ZBTB2: variants seen among roughly 807,000 people sequenced by gnomAD.
ZBTB2 encodes zinc finger and BTB domain containing 2.
ZBTB2 carries 2 observed loss-of-function variants against 39.5 expected under a neutral mutation model. The ratio of observed to expected loss-of-function variants is 0.05; its 90% confidence interval spans 0.02 to 0.16. The LOEUF (loss-of-function observed/expected upper bound fraction) is 0.16. Ranked by LOEUF, ZBTB2 falls within the 10% of genes least tolerant of loss-of-function variation. ZBTB2 has a pLI of 1.00. For synonymous variants in ZBTB2, 251 were observed against 256.6 expected (o/e 0.98, Z 0.21); for missense variants, 391 against 653.0 (o/e 0.60, Z 4.37).
At chr6:151,381,529 A>AAAAAAT (rs538549899) in intron 1 of ZBTB2, among the ~76,000 whole-genome samples, 7 of 151,998 alleles carry the variant, frequency 4.6e-5, no homozygotes, top group East Asian at 1.9e-4. Flanking sequence ...TAAAAAAAAT[A>AAAAAAT]AAAAATAAAA....
chr6:151,382,226 G>A (rs1242082563), intron 1 of ZBTB2, among the ~76,000 whole-genome samples: 8 of 152,088 alleles, frequency 5.3e-5, no homozygotes, highest in African/African-American at 1.7e-4. Context: ...ATCTTATTAT[G>A]GGTACATGAC....
rs1778618156 is a variant in ZBTB2 at position 151,365,225 on chromosome 6, T to C, written c.*296A>G. On this transcript the variant is annotated 3_prime_UTR_variant, in exon 3 of 3. Transcript: ENST00000325144. The surrounding 1 kb of genome is among the most constrained non-coding windows in gnomAD (Gnocchi z 5.6). ...ATTGGATTCCAGTTGTTTTATTATA[T>C]ACCCTTCATTAGTTCCAAGTATGCT... is the stretch of plus-strand genomic sequence containing the variant. 3.5e-6 allele frequency: 1 copy of C among 282,200 alleles called. No homozygotes were observed. The highest frequency in any genetic ancestry group is 6.7e-6 in the Non-Finnish European group (1 of 149,142). 17.5% of individuals were successfully genotyped at this position (282,200 alleles called of 1,614,324 possible).
intron 2 of ZBTB2, among the ~76,000 whole-genome samples, chr6:151,369,425 T>A (rs1225692911): frequency 6.6e-6 from 1 of 152,116 alleles, no homozygotes; most frequent in African/African-American, 2.4e-5. Context: ...TGATCATAGC[T>A]GACTGCAGCC....
chr6:151,374,466 T>C (rs994127623), intron 1 of ZBTB2, among the ~76,000 whole-genome samples: 1 of 152,228 alleles, frequency 6.6e-6, no homozygotes, highest in Admixed American at 6.5e-5. Flanking sequence ...GGCCTGAGTC[T>C]ATTTATAATA....
At chr6:151,367,311 G>A (rs1778673018) in intron 2 of ZBTB2, among the ~76,000 whole-genome samples, 1 of 152,112 alleles carries the variant, frequency 6.6e-6, no homozygotes, top group South Asian at 2.1e-4. Flanking sequence ...AATAGAGACG[G>A]GGATTCACCA....
At chr6:151,373,193 G>GAAAA (rs1778824863) in intron 2 of ZBTB2, among the ~76,000 whole-genome samples, 1 of 106,912 alleles carries the variant, frequency 9.4e-6, no homozygotes, top group Non-Finnish European at 1.9e-5. Flanking sequence ...AAAAAAAAAT[G>GAAAA]GACCTGATTT....
chr6:151,383,937 G>A (rs1435604822), intron 1 of ZBTB2, among the ~76,000 whole-genome samples: 4 of 152,072 alleles, frequency 2.6e-5, no homozygotes, highest in African/African-American at 9.7e-5. Context: ...TATGGCCTAG[G>A]GTTTAGTATT....
At position 151,365,168 on chromosome 6, in the gene ZBTB2, A is replaced by AC. The variant is rs1433929782; in HGVS notation, c.*352dup. 2.0e-5 allele frequency: 4 copies of AC among 196,876 alleles called. No individual in the cohort carries two copies. Among genetic ancestry groups the AC allele is most frequent in the African/African-American group, 9.4e-5 (4 of 42,336 alleles). 12.2% of individuals were successfully genotyped at this position (196,876 alleles called of 1,614,324 possible). A position where few individuals can be genotyped will look rare whatever the true frequency, so the allele number is the denominator to read the frequency against. On this transcript the variant is annotated 3_prime_UTR_variant, in exon 3 of 3. Coordinates refer to ENST00000325144, the MANE Select transcript of ZBTB2 (RefSeq NM_020861.3). The surrounding 1 kb of genome is among the most constrained non-coding windows in gnomAD (Gnocchi z 5.6). ...CATTGTTTTTCTGAGAAGACTTTTT[A>AC]CCCAGGGAAAGTCATAATTTTAGCT...
rs1778610854 is a variant in ZBTB2 at position 151,364,924 on chromosome 6, CATT to C, written c.*594_*596del. 1 of 152,738 alleles carries C rather than the reference CATT, an allele frequency of 6.5e-6. No individual in the cohort carries two copies. Among genetic ancestry groups the C allele is most frequent in the South Asian group, 2.1e-4 (1 of 4,828 alleles). The allele number at this position is 152,738 out of a possible 1,614,324, so 9.5% of individuals were successfully genotyped here. On this transcript the variant is annotated 3_prime_UTR_variant, in exon 3 of 3. Transcript: ENST00000325144. ...TACCCAAAAATTAAGATTGCCATCA[CATT>C]ATTACTTTTTCTCCTTTTTGTTTTG... is the stretch of plus-strand genomic sequence containing the variant.
intron 1 of ZBTB2, among the ~76,000 whole-genome samples, chr6:151,379,671 A>G (rs1778989691): frequency 6.6e-6 from 1 of 151,176 alleles, no homozygotes; most frequent in South Asian, 2.1e-4. Flanking sequence ...GAAAAAAAGA[A>G]ATCTATAAAA....
chr6:151,373,870 A>AAAAAAAAAAAAAAAAAAAACAAAAC (rs1778843577), intron 1 of ZBTB2, among the ~76,000 whole-genome samples: 1 of 123,576 alleles, frequency 8.1e-6, no homozygotes, highest in African/African-American at 3.6e-5. Context: ...AAAAAAAAAA[A>AAAAAAAAAAAAAAAAAAAACAAAAC]AAAAAAACCA....
intron 1 of ZBTB2, among the ~76,000 whole-genome samples, chr6:151,385,934 A>G (rs1308971446): frequency 6.6e-6 from 1 of 152,188 alleles, no homozygotes; most frequent in Non-Finnish European, 1.5e-5. Context: ...ACATTTCCTT[A>G]GTCAACCTTC....
intron 1 of ZBTB2, among the ~76,000 whole-genome samples, chr6:151,384,065 A>G (rs140665405): frequency 5.3e-5 from 8 of 152,342 alleles, no homozygotes; most frequent in Non-Finnish European, 7.4e-5. Flanking sequence ...TAGTTATCCT[A>G]GATTGACCTA....
intron 2 of ZBTB2, among the ~76,000 whole-genome samples, chr6:151,372,469 G>A (rs1220954392): frequency 6.6e-6 from 1 of 152,126 alleles, no homozygotes; most frequent in Non-Finnish European, 1.5e-5. Flanking sequence ...TGTCCAGGAT[G>A]TGCTGATCCC....
Position 151,373,353 on chromosome 6 carries a change from A to G in ZBTB2, c.173+112T>C. ...GGGGCGAGTGAGGCCACAAGGGAGC[A>G]GGTCACCTAGGAGCTAGGAGACGTA... On this transcript the variant is annotated intron_variant, in intron 2 of 2. Coordinates refer to ENST00000325144, the MANE Select transcript of ZBTB2 (RefSeq NM_020861.3). 3 of 1,178,842 alleles carry G rather than the reference A, an allele frequency of 2.5e-6. No individual in the cohort carries two copies. The East Asian group carries it at 7.1e-5, about 28-fold the overall frequency. The allele number at this position is 1,178,842 out of a possible 1,614,324, so 73.0% of individuals were successfully genotyped here. A position where few individuals can be genotyped will look rare whatever the true frequency, so the allele number is the denominator to read the frequency against.
At chr6:151,373,136 CAG>C (rs1404637907) in intron 2 of ZBTB2, among the ~76,000 whole-genome samples, 1 of 109,884 alleles carries the variant, frequency 9.1e-6, no homozygotes, top group South Asian at 3.1e-4. Context: ...GCCTAGGCGA[CAG>C]AGAGAGACTC....
At chr6:151,391,003 CCCCTCCCCTTCCT>C (rs1779289253) in intron 1 of ZBTB2, among the ~76,000 whole-genome samples, 1 of 148,270 alleles carries the variant, frequency 6.7e-6, no homozygotes, top group Admixed American at 6.6e-5. Flanking sequence ...GCGAATCGCC[CCCCTCCCCTTCCT>C]CCCTCCCACC....
intron 1 of ZBTB2, among the ~76,000 whole-genome samples, chr6:151,385,912 A>G (rs1779140502): frequency 6.6e-6 from 1 of 152,098 alleles, no homozygotes; most frequent in Non-Finnish European, 1.5e-5. Flanking sequence ...ATGGAGTGGC[A>G]TTTTTTTCTT....
chr6:151,376,819 T>A (rs968576926), intron 1 of ZBTB2, among the ~76,000 whole-genome samples: 6 of 152,212 alleles, frequency 3.9e-5, no homozygotes, highest in Admixed American at 3.9e-4. Flanking sequence ...AACTACCACA[T>A]GACCCAGCAA....
Sources: gnomAD v4.1 joint callset for allele counts (sites outside exome capture counted in the v4.1 genomes callset) on GRCh38, gnomAD v4.1.1 for gene constraint, Gnocchi (gnomAD v3.1) non-coding constraint, MANE v1.5 for transcripts, NCBI Gene and HGNC (gene_info 2026-07-23, HGNC 2026-07-21) for gene names.